The following KLHDC10 variants were observed in gnomAD, a reference collection of about 807,000 sequenced individuals.
The protein encoded by KLHDC10 is kelch domain-containing protein 10.
Under a neutral mutation model 56.1 loss-of-function variants are expected in KLHDC10, and 24 were observed. That is an observed-to-expected ratio of 0.43 (90% CI 0.31 to 0.60). The LOEUF (loss-of-function observed/expected upper bound fraction) is 0.60, where lower values mean the gene tolerates loss of function less well. Among genes scored for constraint, KLHDC10 ranks in the 20% least tolerant of loss-of-function variants. The pLI, the probability that KLHDC10 is intolerant of heterozygous loss-of-function variation, is 0.11. For synonymous variants in KLHDC10, 188 were observed against 207.1 expected, an observed-to-expected ratio of 0.91 and a Z score of 0.79; for missense variants, 349 against 567.0, an observed-to-expected ratio of 0.62 and a Z score of 3.91.
chr7:130,096,060 G>A (rs1374887812), intron 1 of KLHDC10, among the ~76,000 whole-genome samples: 1 of 152,148 alleles, frequency 6.6e-6, no homozygotes, highest in Non-Finnish European at 1.5e-5. Flanking sequence ...TAGGGCTCCA[G>A]GCATAGCAGA....
intron 1 of KLHDC10, among the ~76,000 whole-genome samples, chr7:130,076,266 G>C (rs555545857): frequency 3.3e-5 from 5 of 152,170 alleles, no homozygotes; most frequent in African/African-American, 1.2e-4. Flanking sequence ...ATGTGGCCAG[G>C]TTCCTAACAG....
chr7:130,127,297 A>G, intron 7 of KLHDC10, 107 bp from the exon 8 acceptor site: 1 of 873,776 alleles, frequency 1.1e-6, no homozygotes, highest in Non-Finnish European at 1.9e-6. Context: ...ACATGTAACA[A>G]AGGGATTGTT....
At chr7:130,097,528 A>G (rs1000734788) in intron 2 of KLHDC10, among the ~76,000 whole-genome samples, 3 of 152,130 alleles carry the variant, frequency 2.0e-5, no homozygotes, top group Non-Finnish European at 4.4e-5. Flanking sequence ...AAAAATAGGT[A>G]AAAGGATATA....
chr7:130,116,548 G>C lies in KLHDC10; in HGVS notation c.357G>C (p.Gly119=). 6.2e-7 allele frequency: 1 copy of C among 1,614,088 alleles called. No individual in the cohort carries two copies. Among genetic ancestry groups the C allele is most frequent in the East Asian group, 2.2e-5 (1 of 44,872 alleles). Residue 119 remains glycine, a synonymous_variant, in exon 3 of 10, where the codon GGG becomes GGC. Transcript: ENST00000335420. The surrounding 1 kb of genome is among the most constrained non-coding windows in gnomAD (Gnocchi z 4.8). ...ACCCAGATTATGATGAATCGGGAGG[G>C]CCTGATAATGAAGACTATCCTCTCT... The part of the protein sequence containing the change: ...GYNPDYDESG[G]PDNEDYPLFR...
intron 1 of KLHDC10, among the ~76,000 whole-genome samples, chr7:130,076,532 A>T (rs977016003): frequency 6.6e-6 from 1 of 152,066 alleles, no homozygotes; most frequent in Non-Finnish European, 1.5e-5. Flanking sequence ...TTCCTATTTT[A>T]TTATTATTTC....
rs1192301459 is a variant in KLHDC10, at chr7:130,070,611, A to G, written c.-33A>G. Reference sequence around the variant, plus strand: ...GCTGGTTCCGCTGGGTCAGGCGCTGACGGGACCGGGCTGCGGCAATCGTTA... The same window carrying G: ...GCTGGTTCCGCTGGGTCAGGCGCTGGCGGGACCGGGCTGCGGCAATCGTTA... On this transcript the variant is annotated 5_prime_UTR_variant, in exon 1 of 10. Coordinates refer to ENST00000335420, the MANE Select transcript of KLHDC10 (RefSeq NM_014997.4). 2.3e-6 allele frequency: 3 copies of G among 1,302,520 alleles called. No individual in the cohort carries two copies. The highest frequency in any genetic ancestry group is 1.5e-5 in the African/African-American group (1 of 66,262). The allele number at this position is 1,302,520 out of a possible 1,614,324, so 80.7% of individuals were successfully genotyped here.
At chr7:130,080,286 G>A (rs1461409573) in intron 1 of KLHDC10, among the ~76,000 whole-genome samples, 3 of 152,054 alleles carry the variant, frequency 2.0e-5, no homozygotes, top group Admixed American at 2.0e-4. Flanking sequence ...GTGGTTAAAT[G>A]GCATTGAAGT....
At chr7:130,124,947 A>G (rs1796295354) in intron 6 of KLHDC10, among the ~76,000 whole-genome samples, 1 of 152,190 alleles carries the variant, frequency 6.6e-6, no homozygotes. Flanking sequence ...GCTGAGCTCT[A>G]AAGGGCTGTT....
intron 2 of KLHDC10, among the ~76,000 whole-genome samples, chr7:130,108,052 A>T (rs180799963): frequency 1.3e-5 from 2 of 150,974 alleles, no homozygotes; most frequent in Non-Finnish European, 3.0e-5. Flanking sequence ...CCCGGGAAAA[A>T]AAAAACAAAA....
chr7:130,108,482 C>T (rs1262663286), intron 2 of KLHDC10, among the ~76,000 whole-genome samples: 5 of 149,712 alleles, frequency 3.3e-5, no homozygotes, highest in Non-Finnish European at 5.9e-5. Context: ...GCAGGTGGAT[C>T]GCTTAAACTC....
intron 2 of KLHDC10, among the ~76,000 whole-genome samples, chr7:130,111,183 C>G (rs529713664): frequency 1.3e-5 from 2 of 151,798 alleles, no homozygotes; most frequent in South Asian, 4.2e-4. Context: ...ATACAACACA[C>G]AAAAATATAA....
chr7:130,124,301 G>C, intron 5 of KLHDC10, 150 bp from the exon 6 acceptor site: 1 of 571,154 alleles, frequency 1.8e-6, no homozygotes, highest in Non-Finnish European at 3.2e-6. Flanking sequence ...TATTCTGTAA[G>C]TCATATAACC....
At chr7:130,081,571 G>A (rs886658359) in intron 1 of KLHDC10, among the ~76,000 whole-genome samples, 1 of 152,084 alleles carries the variant, frequency 6.6e-6, no homozygotes, top group Admixed American at 6.6e-5. Context: ...CACCTGCCTC[G>A]GCCTCCCAAA....
chr7:130,093,974 A>G (rs945341119), intron 1 of KLHDC10, among the ~76,000 whole-genome samples: 4 of 152,114 alleles, frequency 2.6e-5, no homozygotes, highest in African/African-American at 9.7e-5. Flanking sequence ...CCCAGAGTGG[A>G]ATTCAGTGGC....
At chr7:130,128,997 A>G (rs1796359130) in intron 8 of KLHDC10, among the ~76,000 whole-genome samples, 1 of 149,098 alleles carries the variant, frequency 6.7e-6, no homozygotes, top group Non-Finnish European at 1.5e-5. Context: ...CCTTGAAAAA[A>G]ATGGACGATC....
At chr7:130,126,420 A>T (rs1584640763) in intron 7 of KLHDC10, among the ~76,000 whole-genome samples, 1 of 151,888 alleles carries the variant, frequency 6.6e-6, no homozygotes, top group Admixed American at 6.6e-5. Context: ...TCATGCCTAT[A>T]ATCCCAGCAC....
In KLHDC10 at chr7:130,117,986, A is replaced by C. The variant is rs185074583; in HGVS notation, c.475+1320A>C. On this transcript the variant is annotated intron_variant, in intron 3 of 9. Transcript: ENST00000335420. Reference sequence around the variant, plus strand: ...GAGACCCAGCCTGGCCAACATGGTGAAACCCTGTCTCTACAAAAAACACAC... The same window carrying C: ...GAGACCCAGCCTGGCCAACATGGTGCAACCCTGTCTCTACAAAAAACACAC... Among the ~76,000 whole-genome samples the C allele has an allele frequency of 3.1e-3, 464 of 151,948 alleles. 4 individuals carry two copies. The highest frequency in any genetic ancestry group is 0.01 in the African/African-American group (435 of 41,442).
Position 130,122,699 on chromosome 7 carries a change from A to G in KLHDC10, c.779+497A>G, listed in dbSNP as rs1796264051. Among the ~76,000 whole-genome samples, 3 of 152,272 alleles carry G rather than the reference A, an allele frequency of 2.0e-5. No homozygotes were observed. The Middle Eastern group carries it at 0.01, about 518-fold the overall frequency. ...CGCCCAAGTAGCTGGGAATACAGGC[A>G]TGTGCCACCACGTCTGGCTAAATTT... On this transcript the variant is annotated intron_variant, in intron 5 of 9. Coordinates refer to ENST00000335420, the MANE Select transcript of KLHDC10 (RefSeq NM_014997.4).
chr7:130,094,789 A>G (rs556618644), intron 1 of KLHDC10: 2 of 152,168 alleles, frequency 1.3e-5, no homozygotes, highest in Admixed American at 1.3e-4. Context: ...ACCATCCCCT[A>G]TCATTGGACA....
Sources: gnomAD v4.1 joint callset for allele counts (sites outside exome capture counted in the v4.1 genomes callset) on GRCh38, gnomAD v4.1.1 for gene constraint, Gnocchi (gnomAD v3.1) non-coding constraint, MANE v1.5 for transcripts, NCBI Gene and HGNC (gene_info 2026-07-23, HGNC 2026-07-21) for gene names.